UVRAG: variants seen among roughly 807,000 people sequenced by gnomAD.
The protein encoded by UVRAG is UV radiation resistance associated.
UVRAG carries 19 observed loss-of-function variants against 78.0 expected under a neutral mutation model. The ratio of observed to expected loss-of-function variants is 0.24; its 90% CI spans 0.17 to 0.36. UVRAG has a LOEUF of 0.36. Ranked by LOEUF, UVRAG falls within the 10% of genes least tolerant of loss-of-function variation. UVRAG has a pLI of 1.00. For synonymous variants in UVRAG, 323 were observed against 324.6 expected (o/e 1.00, Z 0.05); for missense variants, 740 against 853.8 (o/e 0.87, Z 1.66).
intron 6 of UVRAG, among the ~76,000 whole-genome samples, chr11:75,914,039 C>G (rs1947795666): frequency 6.6e-6 from 1 of 152,156 alleles, no homozygotes; most frequent in South Asian, 2.1e-4. Context: ...TTTCCTAAAC[C>G]AGATCACGTG....
chr11:75,846,371 A>G (rs1343730937), intron 1 of UVRAG, among the ~76,000 whole-genome samples: 1 of 152,240 alleles, frequency 6.6e-6, no homozygotes, highest in Non-Finnish European at 1.5e-5. Flanking sequence ...GCAAAGCCTA[A>G]GAAAAACCAA....
intron 6 of UVRAG, among the ~76,000 whole-genome samples, chr11:75,923,441 A>G (rs1203500917): frequency 6.6e-6 from 1 of 152,222 alleles, no homozygotes; most frequent in Non-Finnish European, 1.5e-5. Context: ...ATCTTATTCT[A>G]TGATCCTAAT....
intron 13 of UVRAG, among the ~76,000 whole-genome samples, chr11:76,071,088 T>G (rs1215778227): frequency 6.6e-6 from 1 of 152,190 alleles, no homozygotes; most frequent in Non-Finnish European, 1.5e-5. Flanking sequence ...CTCGTTAAGC[T>G]TATAACCTGA....
intron 5 of UVRAG, among the ~76,000 whole-genome samples, chr11:75,909,766 A>C (rs1947694634): frequency 6.6e-6 from 1 of 152,136 alleles, no homozygotes; most frequent in Non-Finnish European, 1.5e-5. Flanking sequence ...TGTCTTTTTT[A>C]ATCTTTATAA....
chr11:75,889,716 C>T (rs1052949118), intron 5 of UVRAG, among the ~76,000 whole-genome samples: 1 of 152,194 alleles, frequency 6.6e-6, no homozygotes, highest in Non-Finnish European at 1.5e-5. Context: ...ATGTCAGCCA[C>T]TGTACTGTAC....
At chr11:75,834,759 A>T (rs921486407) in intron 1 of UVRAG, among the ~76,000 whole-genome samples, 11 of 152,084 alleles carry the variant, frequency 7.2e-5, no homozygotes, top group African/African-American at 2.4e-4. Flanking sequence ...GGTTGTGGTG[A>T]GCCGGGATTG....
At chr11:75,902,322 ATTAG>A (rs959392902) in intron 5 of UVRAG, among the ~76,000 whole-genome samples, 3 of 152,180 alleles carry the variant, frequency 2.0e-5, no homozygotes, top group Admixed American at 6.5e-5. Context: ...ATGATCAGGC[ATTAG>A]TTAGATTTTC....
intron 13 of UVRAG, among the ~76,000 whole-genome samples, chr11:76,076,897 G>A (rs1951414386): frequency 6.6e-6 from 1 of 150,622 alleles, no homozygotes; most frequent in African/African-American, 2.4e-5. Context: ...TCCAACTGTG[G>A]TTCCAGCCAC....
intron 8 of UVRAG, among the ~76,000 whole-genome samples, chr11:75,989,171 C>T (rs535846747): frequency 2.0e-5 from 3 of 152,244 alleles, no homozygotes; most frequent in Admixed American, 6.5e-5. Context: ...TCTCCTGCCT[C>T]AGCCTCCTCA....
chr11:75,935,260 A>G (rs537325042), intron 6 of UVRAG, among the ~76,000 whole-genome samples: 2 of 152,342 alleles, frequency 1.3e-5, no homozygotes, highest in African/African-American at 4.8e-5. Context: ...TAAGCGTATG[A>G]TACAGTTATC....
chr11:75,938,640 G>A (rs1948425879), intron 6 of UVRAG, among the ~76,000 whole-genome samples: 1 of 152,134 alleles, frequency 6.6e-6, no homozygotes, highest in Admixed American at 6.6e-5. Flanking sequence ...TCAGTTATGG[G>A]CCATACTCTG....
chr11:75,847,380 G>A (rs1264886593), intron 1 of UVRAG, among the ~76,000 whole-genome samples: 1 of 152,070 alleles, frequency 6.6e-6, no homozygotes, highest in Non-Finnish European at 1.5e-5. Context: ...ACCCGCCTCG[G>A]CCTCCCAAAG....
chr11:75,877,724 C>G (rs1215490552), intron 3 of UVRAG, among the ~76,000 whole-genome samples: 1 of 141,816 alleles, frequency 7.1e-6, no homozygotes, highest in African/African-American at 2.7e-5. Context: ...GGGCGGCTGG[C>G]CGGGCGGGGG....
intron 13 of UVRAG, among the ~76,000 whole-genome samples, chr11:76,109,160 A>C (rs749447583): frequency 1.6e-4 from 25 of 152,204 alleles, no homozygotes; most frequent in Non-Finnish European, 3.4e-4. Flanking sequence ...TCCCCAATCA[A>C]AAATGAGAGC....
At chr11:75,825,673 C>T (rs1590900207) in intron 1 of UVRAG, among the ~76,000 whole-genome samples, 1 of 152,096 alleles carries the variant, frequency 6.6e-6, no homozygotes, top group East Asian at 1.9e-4. Flanking sequence ...TTTGCCTGGC[C>T]ACAGACTTGT....
intron 12 of UVRAG, among the ~76,000 whole-genome samples, chr11:76,042,886 C>T (rs1046954716): frequency 6.6e-6 from 1 of 152,180 alleles, no homozygotes; most frequent in African/African-American, 2.4e-5. Context: ...ACCAACCATC[C>T]TGTGATCATG....
chr11:76,122,275 A>G (rs1252783833), intron 14 of UVRAG, among the ~76,000 whole-genome samples: 1 of 152,188 alleles, frequency 6.6e-6, no homozygotes, highest in African/African-American at 2.4e-5. Context: ...TCTGGAGCAA[A>G]AGAAGAATTT....
At chr11:76,089,850 C>G (rs1029742853) in intron 13 of UVRAG, among the ~76,000 whole-genome samples, 7 of 152,060 alleles carry the variant, frequency 4.6e-5, no homozygotes, top group Non-Finnish European at 7.4e-5. Flanking sequence ...CTTTCTGTTC[C>G]CCCATTCTAC....
intron 1 of UVRAG, among the ~76,000 whole-genome samples, chr11:75,850,116 C>T (rs1462049846): frequency 1.3e-5 from 2 of 151,852 alleles, no homozygotes; most frequent in Non-Finnish European, 1.5e-5. Context: ...AAGTTACACT[C>T]CTATGCAAGC....
Sources: gnomAD v4.1 joint callset for allele counts (sites outside exome capture counted in the v4.1 genomes callset) on GRCh38, gnomAD v4.1.1 for gene constraint, MANE v1.5 for transcripts, NCBI Gene and HGNC (gene_info 2026-07-23, HGNC 2026-07-21) for gene names.